The following BABAM2 variants were observed in gnomAD, a reference collection of about 807,000 sequenced individuals.
BABAM2 encodes the protein BRISC and BRCA1 A complex member 2.
In BABAM2, 31 loss-of-function variants were observed where a neutral mutation model predicts 54.7. That is an observed-to-expected ratio of 0.57 (90% CI 0.43 to 0.77). The LOEUF is 0.77. Ranked by LOEUF, BABAM2 falls within the 30% of genes least tolerant of loss-of-function variation. BABAM2 has a pLI of 0.00. For missense variants in BABAM2, 364 were observed against 455.8 expected (o/e 0.80, Z 1.83); for synonymous variants, 167 against 162.9 (o/e 1.03, Z -0.19).
At chr2:27,909,761 C>G (rs1283493647) in intron 2 of BABAM2, among the ~76,000 whole-genome samples, 1 of 152,142 alleles carries the variant, frequency 6.6e-6, no homozygotes, top group East Asian at 1.9e-4. Context: ...CCTGCTTCTC[C>G]CATAGTAGAA....
chr2:27,952,551 A>G (rs551456657), intron 3 of BABAM2, among the ~76,000 whole-genome samples: 18 of 152,336 alleles, frequency 1.2e-4, no homozygotes, highest in Non-Finnish European at 2.5e-4. Context: ...GAGGGCACCA[A>G]TGTATTTATG....
At chr2:28,291,675 T>C (rs1001877694) in intron 10 of BABAM2, among the ~76,000 whole-genome samples, 13 of 152,148 alleles carry the variant, frequency 8.5e-5, no homozygotes, top group African/African-American at 2.7e-4. Flanking sequence ...GTAGAACACA[T>C]GTAACAAAAT....
At chr2:27,940,537 T>C (rs1410206249) in intron 3 of BABAM2, among the ~76,000 whole-genome samples, 1 of 152,190 alleles carries the variant, frequency 6.6e-6, no homozygotes, top group Non-Finnish European at 1.5e-5. Flanking sequence ...GCCAGTTCTT[T>C]GAATAATGCT....
At chr2:27,996,179 TAAA>T (rs1029138547) in intron 4 of BABAM2, among the ~76,000 whole-genome samples, 9 of 152,210 alleles carry the variant, frequency 5.9e-5, no homozygotes, top group African/African-American at 2.2e-4. Context: ...ACATTCCAGT[TAAA>T]AAACTACAGA....
At chr2:28,258,637 A>G (rs1188417324) in intron 10 of BABAM2, among the ~76,000 whole-genome samples, 1 of 3,082 alleles carries the variant, frequency 3.2e-4, no homozygotes, top group Non-Finnish European at 2.5e-3. Flanking sequence ...TTTTTGAGAC[A>G]GGATGTTGCT....
chr2:28,123,312 C>T (rs1418948653), intron 6 of BABAM2, among the ~76,000 whole-genome samples: 2 of 152,102 alleles, frequency 1.3e-5, no homozygotes, highest in Admixed American at 6.6e-5. Context: ...ATATCATGGC[C>T]GTTATTGCTT....
At chr2:28,026,979 A>ATATAAATATATATTT in intron 5 of BABAM2, among the ~76,000 whole-genome samples, 1 of 96,582 alleles carries the variant, frequency 1.0e-5, no homozygotes, top group African/African-American at 5.1e-5. Context: ...TAAATATATA[A>ATATAAATATATATTT]ATATATATAA....
At chr2:28,324,955 G>A (rs1690323224) in intron 11 of BABAM2, among the ~76,000 whole-genome samples, 1 of 152,136 alleles carries the variant, frequency 6.6e-6, no homozygotes, top group African/African-American at 2.4e-5. Flanking sequence ...TATCTGGCAT[G>A]TAGTAGGCAC....
rs1263242776 is a variant in BABAM2, at chr2:28,329,517, A to C, written c.1089-8933A>C. On this transcript the variant is annotated intron_variant, in intron 11 of 11. Coordinates refer to ENST00000379624, the MANE Select transcript of BABAM2 (RefSeq NM_199191.3). The surrounding 1 kb of genome is among the most constrained non-coding windows in gnomAD (Gnocchi z 4.2). ...GGGGCTATCACCACTGACCCCACAG[A>C]AATACAAACAACCATCAGAGAATAC... is the stretch of plus-strand genomic sequence containing the variant. Among the ~76,000 whole-genome samples, 4 of 152,236 alleles carry C rather than the reference A, an allele frequency of 2.6e-5. No homozygotes were observed. Among genetic ancestry groups the C allele is most frequent in the African/African-American group, 7.2e-5 (3 of 41,456 alleles).
chr2:27,961,572 T>C (rs1670471185), intron 3 of BABAM2, among the ~76,000 whole-genome samples: 1 of 152,226 alleles, frequency 6.6e-6, no homozygotes, highest in Non-Finnish European at 1.5e-5. Context: ...TTTCAGCTTA[T>C]GATGGGCTTA....
chr2:27,941,274 CAAT>C lies in BABAM2; in HGVS notation c.205+11368_205+11370del, dbSNP rs575797453. On this transcript the variant is annotated intron_variant, in intron 3 of 11. Transcript: ENST00000379624. ...AATGTAGACATTTTTTTGTCTTTAA[CAAT>C]AGAGCAGCCAGGCGCGGTGGCTCAC... Among the ~76,000 whole-genome samples the C allele has an allele frequency of 2.4e-3, 369 of 152,068 alleles. 1 individual carries two copies. The highest frequency in any genetic ancestry group is 8.7e-3 in the African/African-American group (361 of 41,502).
intron 7 of BABAM2, among the ~76,000 whole-genome samples, chr2:28,136,868 A>G (rs1670590448): frequency 6.6e-6 from 1 of 152,212 alleles, no homozygotes; most frequent in Non-Finnish European, 1.5e-5. Flanking sequence ...GGAACTGAAA[A>G]TTAAAATAAT....
At chr2:28,067,163 C>CTCAGGTGA (rs1201123316) in intron 6 of BABAM2, among the ~76,000 whole-genome samples, 1 of 152,172 alleles carries the variant, frequency 6.6e-6, no homozygotes, top group Non-Finnish European at 1.5e-5. Context: ...AACTCCTGAC[C>CTCAGGTGA]TCAGGTGATC....
intron 2 of BABAM2, among the ~76,000 whole-genome samples, chr2:27,924,181 A>G (rs1204378480): frequency 6.6e-6 from 1 of 152,160 alleles, no homozygotes; most frequent in Non-Finnish European, 1.5e-5. Context: ...AGAATTTACC[A>G]AAACTCCCCT....
intron 7 of BABAM2, among the ~76,000 whole-genome samples, chr2:28,136,629 A>T (rs17006558): frequency 6.6e-6 from 1 of 152,222 alleles, no homozygotes; most frequent in Admixed American, 6.5e-5. Flanking sequence ...GCCCTGTTTC[A>T]TAAGAGCGGT....
At chr2:28,167,736 ATAAC>A (rs1673867805) in intron 7 of BABAM2, among the ~76,000 whole-genome samples, 2 of 139,892 alleles carry the variant, frequency 1.4e-5, no homozygotes, top group Non-Finnish European at 3.1e-5. Flanking sequence ...AAATAAATAA[ATAAC>A]GCAGTTTGCT....
At chr2:28,143,426 A>ATT (rs1020212410) in intron 7 of BABAM2, among the ~76,000 whole-genome samples, 2 of 152,106 alleles carry the variant, frequency 1.3e-5, no homozygotes, top group African/African-American at 4.8e-5. Flanking sequence ...TAGAGATCAG[A>ATT]TATACAGCAT....
chr2:28,288,783 C>T (rs1228267138), intron 10 of BABAM2, among the ~76,000 whole-genome samples: 2 of 152,148 alleles, frequency 1.3e-5, no homozygotes, highest in African/African-American at 2.4e-5. Flanking sequence ...TTCTGCAGAG[C>T]GGTAACCTCA....
At chr2:27,938,254 C>G (rs1247866255) in intron 3 of BABAM2, among the ~76,000 whole-genome samples, 1 of 152,170 alleles carries the variant, frequency 6.6e-6, no homozygotes, top group African/African-American at 2.4e-5. Flanking sequence ...ACATAATATT[C>G]GTCTTTAGAT....
Sources: gnomAD v4.1 joint callset for allele counts (sites outside exome capture counted in the v4.1 genomes callset) on GRCh38, gnomAD v4.1.1 for gene constraint, Gnocchi (gnomAD v3.1) non-coding constraint, MANE v1.5 for transcripts, NCBI Gene and HGNC (gene_info 2026-07-23, HGNC 2026-07-21) for gene names.